The following C1orf87 variants were observed in gnomAD, a reference collection of about 807,000 sequenced individuals.
C1orf87 encodes the protein uncharacterized protein C1orf87.
In C1orf87, 58 loss-of-function variants were observed where a neutral mutation model predicts 60.5. The ratio of observed to expected loss-of-function variants is 0.96; its 90% CI spans 0.78 to 1.19. C1orf87 has a LOEUF of 1.19. Ranked by LOEUF, C1orf87 falls within the 50% of genes most tolerant of loss-of-function variation. The pLI is 0.00. For synonymous variants in C1orf87, 236 were observed against 227.4 expected (o/e 1.04, Z -0.34); for missense variants, 673 against 638.6 (o/e 1.05, Z -0.58).
At chr1:60,061,887 G>C (rs1645499461) in intron 2 of C1orf87, among the ~76,000 whole-genome samples, 2 of 151,286 alleles carry the variant, frequency 1.3e-5, no homozygotes, top group African/African-American at 4.8e-5. Context: ...GGAGTTCCAG[G>C]CTGCAATGAG....
chr1:60,072,514 A>T (rs761173353), intron 2 of C1orf87, 23 bp downstream of exon 2: 2 of 1,512,010 alleles, frequency 1.3e-6, no homozygotes, highest in Admixed American at 1.8e-5. Context: ...AGCAACATAG[A>T]TATTTTTCAA....
In C1orf87 at chr1:60,001,107, G is replaced by C; in HGVS notation, c.1242C>G (p.Pro414=). 6.2e-7 allele frequency: 1 copy of C among 1,607,494 alleles called. No individual in the cohort carries two copies. Among genetic ancestry groups the C allele is most frequent in the African/African-American group, 1.3e-5 (1 of 74,186 alleles). Residue 414 remains proline (P), a synonymous_variant, in exon 10 of 12, where the codon CCC becomes CCG. Transcript: ENST00000371201. ...GTTCAGTTTTGCTTTGAGACATCTC[G>C]GGGACTTCAGGCTCCATTGGAGGGG... ...APAPPMEPEV[P]EMSQSKTEHM...
In C1orf87 at chr1:60,055,434, C is replaced by G; in HGVS notation, c.112G>C (p.Glu38Gln). The change falls in exon 3 of 12, where the codon GAG (glutamate) becomes CAG (glutamine). Residue 38 changes from glutamate to glutamine, a missense_variant. Coordinates refer to ENST00000371201, the MANE Select transcript of C1orf87 (RefSeq NM_152377.3). Reference protein sequence around the residue: ...QYLVEKPKIKENDSLKTETQT... With the variant: ...QYLVEKPKIKQNDSLKTETQT... ...GTTTCTGTTTTCAAGCTGTCATTCTCCTTGCTGTGAAGAAAGAATTGTATA... is the reference window on the plus strand; with the variant it reads ...GTTTCTGTTTTCAAGCTGTCATTCTGCTTGCTGTGAAGAAAGAATTGTATA... 1 of 1,613,552 alleles carries G rather than the reference C, an allele frequency of 6.2e-7. No individual in the cohort carries two copies. The highest frequency in any genetic ancestry group is 1.1e-5 in the South Asian group (1 of 91,048).
chr1:60,010,440 C>G lies in C1orf87; in HGVS notation c.1144G>C (p.Glu382Gln). ...TCAGAAGAAGCTCTGGTCAGCATCT[C>G]AACAAAATTCTGCCATCTGTGCAAG... ...QNEIKWQNFV[E>Q]MLTRASSDLL... is the part of the protein sequence containing the mutation. The change falls in exon 9 of 12, where the codon GAG becomes CAG. Residue 382 changes from glutamate to glutamine, a missense_variant. Physicochemically the swap from Glu to Gln is conservative, Grantham distance 29. Coordinates refer to ENST00000371201, the MANE Select transcript of C1orf87 (RefSeq NM_152377.3). 1.2e-6 allele frequency: 2 copies of G among 1,612,378 alleles called. No individual in the cohort carries two copies. Among genetic ancestry groups the G allele is most frequent in the Non-Finnish European group, 1.7e-6 (2 of 1,178,908 alleles).
At chr1:60,029,227 A>G (rs866859019) in intron 7 of C1orf87, among the ~76,000 whole-genome samples, 4 of 152,036 alleles carry the variant, frequency 2.6e-5, no homozygotes, top group African/African-American at 9.7e-5. Flanking sequence ...AGTCATCAAG[A>G]CTTGCTTTTC....
rs200965622 is a variant in C1orf87 at position 59,990,640 on chromosome 1, G to A, written c.*33C>T. ...GTGTCTGGGTAAAAAGGGAGATAAG[G>A]GAAACATCTGTTCTCACAATATGGG... On this transcript the variant is annotated 3_prime_UTR_variant, in exon 12 of 12. Coordinates refer to ENST00000371201, the MANE Select transcript of C1orf87 (RefSeq NM_152377.3). 11 of 1,606,452 alleles carry A rather than the reference G, an allele frequency of 6.8e-6. No individual in the cohort carries two copies. The South Asian group carries it at 8.8e-5, about 13-fold the overall frequency.
chr1:60,007,625 A>G (rs1645055799), intron 9 of C1orf87, among the ~76,000 whole-genome samples: 1 of 152,058 alleles, frequency 6.6e-6, no homozygotes, highest in East Asian at 1.9e-4. Flanking sequence ...TTGAATTCCA[A>G]GTAAGAGTCT....
At chr1:60,055,757 T>C (rs187739694) in intron 2 of C1orf87, among the ~76,000 whole-genome samples, 1 of 152,286 alleles carries the variant, frequency 6.6e-6, no homozygotes, top group East Asian at 1.9e-4. Context: ...ATTTCTTACT[T>C]GTAAATGTAA....
chr1:60,059,471 G>A (rs770328931), intron 2 of C1orf87, among the ~76,000 whole-genome samples: 1 of 152,134 alleles, frequency 6.6e-6, no homozygotes, highest in Non-Finnish European at 1.5e-5. Flanking sequence ...CTGTCCAGTC[G>A]TTCCCTCTCT....
intron 7 of C1orf87, among the ~76,000 whole-genome samples, chr1:60,028,808 G>A (rs1645216823): frequency 6.6e-6 from 1 of 151,374 alleles, no homozygotes; most frequent in Non-Finnish European, 1.5e-5. Flanking sequence ...GGCCGATCAT[G>A]CCATCCTTCT....
In C1orf87 at chr1:60,055,458, T is replaced by C. The variant is rs1323832681; in HGVS notation, c.108-20A>G. On this transcript the variant is annotated intron_variant, in intron 2 of 11. Transcript: ENST00000371201. ...TCCTTGCTGTGAAGAAAGAATTGTA[T>C]ACTTTGTTACTTACAGGCAGACTCC... 2 of 1,603,830 alleles carry C rather than the reference T, an allele frequency of 1.2e-6. No individual in the cohort carries two copies. The highest frequency in any genetic ancestry group is 1.7e-6 in the Non-Finnish European group (2 of 1,170,984).
intron 8 of C1orf87, among the ~76,000 whole-genome samples, chr1:60,020,424 G>A (rs556275602): frequency 6.6e-6 from 1 of 152,342 alleles, no homozygotes; most frequent in Non-Finnish European, 1.5e-5. Context: ...AGCAGTCAAA[G>A]TAGCTGTACC....
intron 8 of C1orf87, among the ~76,000 whole-genome samples, chr1:60,021,703 C>T (rs1645164227): frequency 6.6e-6 from 1 of 152,188 alleles, no homozygotes; most frequent in African/African-American, 2.4e-5. Context: ...ATGGCACTAT[C>T]ATCTACTGTC....
At chr1:60,038,359 G>C (rs1456740803) in intron 5 of C1orf87, among the ~76,000 whole-genome samples, 1 of 151,966 alleles carries the variant, frequency 6.6e-6, no homozygotes, top group East Asian at 1.9e-4. Flanking sequence ...TGGCCAATGA[G>C]TTATAACCAG....
At chr1:60,041,686 A>T (rs1276545842) in intron 3 of C1orf87, among the ~76,000 whole-genome samples, 5 of 152,180 alleles carry the variant, frequency 3.3e-5, no homozygotes, top group Admixed American at 2.6e-4. Flanking sequence ...TTCATATTTT[A>T]TGGTATTTTG....
intron 2 of C1orf87, among the ~76,000 whole-genome samples, chr1:60,071,894 C>T (rs1053914416): frequency 6.6e-6 from 1 of 152,294 alleles, no homozygotes; most frequent in Middle Eastern, 3.4e-3. Flanking sequence ...GGAACGCCTA[C>T]TATATGAAAG....
chr1:60,071,891 C>T (rs560012162), intron 2 of C1orf87, among the ~76,000 whole-genome samples: 1 of 152,232 alleles, frequency 6.6e-6, no homozygotes, highest in Non-Finnish European at 1.5e-5. Flanking sequence ...TATGGAACGC[C>T]TACTATATGA....
intron 2 of C1orf87, among the ~76,000 whole-genome samples, chr1:60,064,714 AT>A (rs1269176312): frequency 3.0e-5 from 3 of 101,292 alleles, no homozygotes; most frequent in Non-Finnish European, 5.4e-5. Flanking sequence ...TTCAATATAT[AT>A]AAATATATTT....
chr1:59,999,432 C>A (rs1439485772), intron 10 of C1orf87, among the ~76,000 whole-genome samples: 1 of 152,002 alleles, frequency 6.6e-6, no homozygotes, highest in Non-Finnish European at 1.5e-5. Flanking sequence ...AAAATCTGAC[C>A]AGATTAATGC....
Sources: allele counts gnomAD v4.1 joint callset (sites outside exome capture counted in the v4.1 genomes callset), GRCh38; gene constraint gnomAD v4.1.1; transcripts MANE v1.5; gene names NCBI Gene and HGNC (gene_info 2026-07-23, HGNC 2026-07-21).